The following ST3GAL4 variants were observed in gnomAD, a reference collection of about 807,000 sequenced individuals.
The protein encoded by ST3GAL4 is ST3 beta-galactoside alpha-2,3-sialyltransferase 4.
ST3GAL4 carries 24 observed loss-of-function variants against 42.6 expected under a neutral mutation model. The ratio of observed to expected loss-of-function variants is 0.56; its 90% CI spans 0.41 to 0.79. The LOEUF is 0.79. Ranked by LOEUF, ST3GAL4 falls within the 30% of genes least tolerant of loss-of-function variation. The pLI, the probability that ST3GAL4 is intolerant of heterozygous loss-of-function variation, is 0.00. For synonymous variants in ST3GAL4, 135 were observed against 163.2 expected (o/e 0.83, Z 1.32); for missense variants, 311 against 430.8 (o/e 0.72, Z 2.46).
intron 1 of ST3GAL4, among the ~76,000 whole-genome samples, chr11:126,381,017 A>G (rs1952980414): frequency 6.6e-6 from 1 of 152,214 alleles, no homozygotes; most frequent in Non-Finnish European, 1.5e-5. Context: ...ATGGCCATGC[A>G]TCCTTGCATA....
Position 126,406,330 on chromosome 11 carries a change from C to T in ST3GAL4, c.17-143C>T. 2 of 1,541,422 alleles carry T rather than the reference C, an allele frequency of 1.3e-6. No individual in the cohort carries two copies. The highest frequency in any genetic ancestry group is 8.8e-7 in the Non-Finnish European group (1 of 1,142,762). On this transcript the variant is annotated intron_variant, in intron 2 of 10. Coordinates refer to ENST00000444328, the MANE Select transcript of ST3GAL4 (RefSeq NM_001254757.2). This position sits in a 1 kb window ranked among gnomAD's most constrained non-coding sequence, Gnocchi z 5.4. The stretch of plus-strand genomic sequence containing the variant: ...CAGTGGGTACAATCAGGGTCAAGCC[C>T]TCAGCCAGGGCCAGGAGAGGGCCAG...
intron 6 of ST3GAL4, 77 bp from the exon 7 acceptor site, chr11:126,408,022 T>C (rs1207401139): frequency 2.0e-6 from 3 of 1,501,932 alleles, no homozygotes; most frequent in Admixed American, 3.7e-5. Context: ...GGTCCTGAGA[T>C]GGGCCCAGGC....
chr11:126,379,984 G>A lies in ST3GAL4; in HGVS notation c.-61+24142G>A, dbSNP rs567537315. 2.0e-5 allele frequency among the ~76,000 whole-genome samples: 3 copies of A among 152,070 alleles called. No individual in the cohort carries two copies. Among genetic ancestry groups the A allele is most frequent in the African/African-American group, 7.2e-5 (3 of 41,396 alleles). Reference sequence around the variant, plus strand: ...TTTTACAAAAGAGCTAGTCTCGGCCGGGCACAGTGACTTGCGCCTGTAATG... The same window carrying A: ...TTTTACAAAAGAGCTAGTCTCGGCCAGGCACAGTGACTTGCGCCTGTAATG... On this transcript the variant is annotated intron_variant, in intron 1 of 10. Transcript: ENST00000444328. This position sits in a 1 kb window ranked among gnomAD's most constrained non-coding sequence, Gnocchi z 4.2.
Position 126,366,083 on chromosome 11 carries a change from C to T in ST3GAL4, c.-61+10241C>T, listed in dbSNP as rs184415421. ...TCCCCTTTCCGTGACTTTGGAGGAACGAGGTTCCTGAGGGCTGGCACAGCC... is the reference window on the plus strand; with the variant it reads ...TCCCCTTTCCGTGACTTTGGAGGAATGAGGTTCCTGAGGGCTGGCACAGCC... On this transcript the variant is annotated intron_variant, in intron 1 of 10. Coordinates refer to ENST00000444328, the MANE Select transcript of ST3GAL4 (RefSeq NM_001254757.2). The surrounding 1 kb of genome is among the most constrained non-coding windows in gnomAD (Gnocchi z 4.2). 1.3e-5 allele frequency among the ~76,000 whole-genome samples: 2 copies of T among 152,292 alleles called. No individual in the cohort carries two copies. The highest frequency in any genetic ancestry group is 6.5e-5 in the Admixed American group (1 of 15,300).
chr11:126,413,293 C>T (rs1455305929), intron 9 of ST3GAL4: 1 of 515,220 alleles, frequency 1.9e-6, no homozygotes. Context: ...TTTAAATTTA[C>T]AATTTAATTA....
At position 126,379,314 on chromosome 11, in the gene ST3GAL4, G is replaced by A. The variant is rs1325260455; in HGVS notation, c.-61+23472G>A. Among the ~76,000 whole-genome samples the A allele has an allele frequency of 6.6e-6, 1 of 152,180 alleles. No homozygotes were observed. On this transcript the variant is annotated intron_variant, in intron 1 of 10. Coordinates refer to ENST00000444328, the MANE Select transcript of ST3GAL4 (RefSeq NM_001254757.2). This position sits in a 1 kb window ranked among gnomAD's most constrained non-coding sequence, Gnocchi z 4.2. The stretch of plus-strand genomic sequence containing the variant: ...ATGAAATTCCCTAACGAAAATAAAA[G>A]TGTGAACCTTTTGTGCTAAAACAAA...
chr11:126,376,728 T>C lies in ST3GAL4; in HGVS notation c.-61+20886T>C, dbSNP rs1177960300. 6.6e-6 allele frequency: 1 copy of C among 152,228 alleles called. No individual in the cohort carries two copies. Among genetic ancestry groups the C allele is most frequent in the East Asian group, 1.9e-4 (1 of 5,206 alleles). 9.4% of individuals were successfully genotyped at this position (152,228 alleles called of 1,614,324 possible). A position where few individuals can be genotyped will look rare whatever the true frequency, so the allele number is the denominator to read the frequency against. On this transcript the variant is annotated intron_variant, in intron 1 of 10. Transcript: ENST00000444328. The surrounding 1 kb of genome is among the most constrained non-coding windows in gnomAD (Gnocchi z 5.1). ...TCTGGTTATTCTCTCAGCAAGCTGA[T>C]AGTGTGACTAGATGACACAGTATTA...
In ST3GAL4 at chr11:126,409,552, T is replaced by A. The variant is rs561883143; in HGVS notation, c.771+141T>A. 933 of 1,179,742 alleles carry A rather than the reference T, an allele frequency of 7.9e-4. No individual in the cohort carries two copies. The highest frequency in any genetic ancestry group is 1.1e-3 in the Non-Finnish European group (896 of 838,152). The allele number at this position is 1,179,742 out of a possible 1,614,324, so 73.1% of individuals were successfully genotyped here. Reference sequence around the variant, plus strand: ...TTTCCCTCCAGGAACACACCTGTCATTAAAGTTGCTGCTGCAAAGGGGAGT... The same window carrying A: ...TTTCCCTCCAGGAACACACCTGTCAATAAAGTTGCTGCTGCAAAGGGGAGT... On this transcript the variant is annotated intron_variant, in intron 9 of 10. Coordinates refer to ENST00000444328, the MANE Select transcript of ST3GAL4 (RefSeq NM_001254757.2). The surrounding 1 kb of genome is among the most constrained non-coding windows in gnomAD (Gnocchi z 4.9).
At chr11:126,382,119 A>AGAAGCGAAT (rs1002013120) in intron 1 of ST3GAL4, among the ~76,000 whole-genome samples, 1 of 151,924 alleles carries the variant, frequency 6.6e-6, no homozygotes, top group African/African-American at 2.4e-5. Flanking sequence ...AAATAGAGCA[A>AGAAGCGAAT]GAAGCGAATG....
At chr11:126,387,040 A>AC (rs1000638628) in intron 1 of ST3GAL4, among the ~76,000 whole-genome samples, 6 of 152,146 alleles carry the variant, frequency 3.9e-5, no homozygotes, top group Admixed American at 2.0e-4. Context: ...GTGCTCTGCC[A>AC]CTGCTGTTTC....
At chr11:126,362,237 G>C (rs1432214646) in intron 1 of ST3GAL4, among the ~76,000 whole-genome samples, 1 of 134,132 alleles carries the variant, frequency 7.5e-6, no homozygotes, top group African/African-American at 2.9e-5. Context: ...TCACTCTGTT[G>C]CCCAGGCTGG....
At position 126,386,017 on chromosome 11, in the gene ST3GAL4, A is replaced by G. The variant is rs1953212799; in HGVS notation, c.-60-20079A>G. Among the ~76,000 whole-genome samples, 1 of 151,868 alleles carries G rather than the reference A, an allele frequency of 6.6e-6. No homozygotes were observed. ...TTCCTTCCTGGCTGTCTGCCACCAT[A>G]TGGAACTTTCTGTGCCTTGCACCCA... On this transcript the variant is annotated intron_variant, in intron 1 of 10. Coordinates refer to ENST00000444328, the MANE Select transcript of ST3GAL4 (RefSeq NM_001254757.2). This position sits in a 1 kb window ranked among gnomAD's most constrained non-coding sequence, Gnocchi z 4.7.
At chr11:126,374,815 C>A (rs1486468579) in intron 1 of ST3GAL4, among the ~76,000 whole-genome samples, 6 of 152,088 alleles carry the variant, frequency 3.9e-5, no homozygotes, top group African/African-American at 1.4e-4. Context: ...AGCGGACCGT[C>A]TGTATCCGAG....
Position 126,410,814 on chromosome 11 carries a change from A to ATGCC in ST3GAL4, c.771+1403_771+1404insTGCC, listed in dbSNP as rs1954494860. On this transcript the variant is annotated intron_variant, in intron 9 of 10. Coordinates refer to ENST00000444328, the MANE Select transcript of ST3GAL4 (RefSeq NM_001254757.2). The surrounding 1 kb of genome is among the most constrained non-coding windows in gnomAD (Gnocchi z 5.3). The stretch of plus-strand genomic sequence containing the variant: ...GGGGTGATAAAATTCCACAATGGAG[A>ATGCC]GTTGTTCCCAATGCCGTGGAATCTC... Among the ~76,000 whole-genome samples the ATGCC allele has an allele frequency of 6.6e-6, 1 of 152,016 alleles. No individual in the cohort carries two copies. The highest frequency in any genetic ancestry group is 1.5e-5 in the Non-Finnish European group (1 of 68,016).
In ST3GAL4 at chr11:126,408,181, G is replaced by C. The variant is rs373208857; in HGVS notation, c.424G>C (p.Asp142His). The C allele has an allele frequency of 1.1e-5, 17 of 1,614,064 alleles. No homozygotes were observed. Among genetic ancestry groups the C allele is most frequent in the Non-Finnish European group, 1.4e-5 (16 of 1,180,026 alleles). ...SSLGDAINKY[D>H]VVIRLNNAPV... is the part of the protein sequence containing the mutation. ...ACTGGGAGATGCCATCAACAAGTAC[G>C]ATGTGGTCATCAGGTGTGTGTGACT... The change falls in exon 7 of 11, where the codon GAT becomes CAT. Residue 142 changes from aspartate (D) to histidine (H), a missense_variant. Transcript: ENST00000444328.
At chr11:126,404,572 T>C (rs1954145812) in intron 1 of ST3GAL4, among the ~76,000 whole-genome samples, 1 of 151,818 alleles carries the variant, frequency 6.6e-6, no homozygotes, top group South Asian at 2.1e-4. Context: ...GACTCAGAGA[T>C]TGCTGTGGGG....
chr11:126,395,478 G>A (rs1344561629), intron 1 of ST3GAL4, among the ~76,000 whole-genome samples: 4 of 152,126 alleles, frequency 2.6e-5, no homozygotes. Flanking sequence ...TGCCTAGCTA[G>A]CCCCCTAGAC....
chr11:126,407,160 A>T, intron 4 of ST3GAL4, 92 bp from the exon 5 acceptor site: 5 of 1,496,978 alleles, frequency 3.3e-6, no homozygotes, highest in Non-Finnish European at 4.7e-6. Flanking sequence ...AGGGAAGAGA[A>T]GGCCTTATAA....
Position 126,413,594 on chromosome 11 carries a change from C to T in ST3GAL4, c.861C>T (p.Tyr287=). Residue 287 remains tyrosine, a synonymous_variant, in exon 10 of 11, where the codon TAC becomes TAT. Coordinates refer to ENST00000444328, the MANE Select transcript of ST3GAL4 (RefSeq NM_001254757.2). ...HIAGFGYPDA[Y]NKKQTIHYYE... ...CCGGCTTTGGCTACCCAGACGCCTA[C>T]AACAAGAAGCAGACCATTCACTACT... is the stretch of plus-strand genomic sequence containing the variant. 6.2e-7 allele frequency: 1 copy of T among 1,614,272 alleles called. No individual in the cohort carries two copies. Among genetic ancestry groups the T allele is most frequent in the Non-Finnish European group, 8.5e-7 (1 of 1,180,050 alleles).
Sources: allele counts gnomAD v4.1 joint callset (sites outside exome capture counted in the v4.1 genomes callset), GRCh38; gene constraint gnomAD v4.1.1; non-coding constraint Gnocchi (gnomAD v3.1); transcripts MANE v1.5; gene names NCBI Gene and HGNC (gene_info 2026-07-23, HGNC 2026-07-21).